AUNIP: variants seen among roughly 807,000 people sequenced by gnomAD.
AUNIP encodes the protein aurora kinase A and ninein interacting protein.
Under a neutral mutation model 12.2 loss-of-function variants are expected in AUNIP, and 16 were observed. That is an observed-to-expected ratio of 1.31 (90% CI 0.88 to 1.99). AUNIP has a LOEUF of 1.99. Ranked by LOEUF, AUNIP falls within the 30% of genes most tolerant of loss-of-function variation. The pLI, the probability that AUNIP is intolerant of heterozygous loss-of-function variation, is 0.00. For synonymous variants in AUNIP, 142 were observed against 154.8 expected (o/e 0.92, Z 0.61); for missense variants, 411 against 419.1 (o/e 0.98, Z 0.17).
At chr1:25,843,214 A>G (rs2124503188) in intron 1 of AUNIP, among the ~76,000 whole-genome samples, 1 of 143,050 alleles carries the variant, frequency 7.0e-6, no homozygotes, top group South Asian at 2.2e-4. Context: ...TTTACTGCTC[A>G]TTGATAATGT....
At chr1:25,837,935 A>G (rs1047851960) in intron 1 of AUNIP, among the ~76,000 whole-genome samples, 1 of 152,184 alleles carries the variant, frequency 6.6e-6, no homozygotes, top group African/African-American at 2.4e-5. Context: ...GGTGGTTAAG[A>G]GCATGGCTCA....
chr1:25,834,399 A>T lies in AUNIP; in HGVS notation c.*594T>A. ...GGGAGGCTGAGGTGGGCGGATCAGGAGGTCAGGAGATGGAGACCATCCTGG... is the reference window on the plus strand; with the variant it reads ...GGGAGGCTGAGGTGGGCGGATCAGGTGGTCAGGAGATGGAGACCATCCTGG... On this transcript the variant is annotated 3_prime_UTR_variant, in exon 3 of 3. Coordinates refer to ENST00000374298, the MANE Select transcript of AUNIP (RefSeq NM_024037.3). The T allele has an allele frequency of 1.1e-6, 1 of 935,784 alleles. No individual in the cohort carries two copies. The highest frequency in any genetic ancestry group is 1.3e-6 in the Non-Finnish European group (1 of 785,042). The allele number at this position is 935,784 out of a possible 1,614,324, so 58.0% of individuals were successfully genotyped here. A position where few individuals can be genotyped will look rare whatever the true frequency, so the allele number is the denominator to read the frequency against.
Position 25,834,820 on chromosome 1 carries a change from C to G in AUNIP, c.*173G>C, listed in dbSNP as rs552242318. 5 of 1,435,672 alleles carry G rather than the reference C, an allele frequency of 3.5e-6. No homozygotes were observed. 88.9% of individuals were successfully genotyped at this position (1,435,672 alleles called of 1,614,324 possible). On this transcript the variant is annotated 3_prime_UTR_variant, in exon 3 of 3. Coordinates refer to ENST00000374298, the MANE Select transcript of AUNIP (RefSeq NM_024037.3). ...AGGGAAAGCCATGATGCCAATCCCA[C>G]TGTCTTAACAATGGTACTGCCCTTT...
intron 1 of AUNIP, among the ~76,000 whole-genome samples, chr1:25,851,430 G>A (rs2048423357): frequency 6.6e-6 from 1 of 152,150 alleles, no homozygotes; most frequent in Non-Finnish European, 1.5e-5. Context: ...TTTTTTGAGA[G>A]AGTCTGAAGG....
chr1:25,838,418 G>A (rs968608234), intron 1 of AUNIP, among the ~76,000 whole-genome samples: 4 of 152,046 alleles, frequency 2.6e-5, no homozygotes, highest in South Asian at 2.1e-4. Flanking sequence ...CAGAAGAATC[G>A]CTTTAACCAG....
chr1:25,859,201 G>A (rs1327692904), intron 1 of AUNIP, 79 bp downstream of exon 1: 3 of 1,426,974 alleles, frequency 2.1e-6, no homozygotes, highest in African/African-American at 1.4e-5. Context: ...TCATCTCCAG[G>A]TGTCCCCCAA....
chr1:25,854,659 G>C (rs2048448355), intron 1 of AUNIP, among the ~76,000 whole-genome samples: 1 of 152,154 alleles, frequency 6.6e-6, no homozygotes, highest in Non-Finnish European at 1.5e-5. Flanking sequence ...ATCCAGCCAG[G>C]CATTTATTAT....
chr1:25,842,800 A>T (rs1336229381), intron 1 of AUNIP, among the ~76,000 whole-genome samples: 1 of 152,216 alleles, frequency 6.6e-6, no homozygotes, highest in Non-Finnish European at 1.5e-5. Context: ...AGCCTGGATG[A>T]CAGCACATCT....
Position 25,847,479 on chromosome 1 carries a change from G to A in AUNIP, c.79-9925C>T, listed in dbSNP as rs533161578. 6.6e-6 allele frequency among the ~76,000 whole-genome samples: 1 copy of A among 151,748 alleles called. No individual in the cohort carries two copies. Among genetic ancestry groups the A allele is most frequent in the Non-Finnish European group, 1.5e-5 (1 of 67,960 alleles). ...GAGGTTTTACCATGTTGGCCAGGCT[G>A]GTCTTAAACTCCTGACCTCAAGTGA... On this transcript the variant is annotated intron_variant, in intron 1 of 2. Coordinates refer to ENST00000374298, the MANE Select transcript of AUNIP (RefSeq NM_024037.3). This position sits in a 1 kb window ranked among gnomAD's most constrained non-coding sequence, Gnocchi z 4.2.
rs973672392 is a variant in AUNIP, at chr1:25,834,027, G to C, written c.*966C>G. ...GAGCCACTTTGTAAACATTTATTTG[G>C]ATTCATAGTTTTACAAAGGGGATTC... On this transcript the variant is annotated 3_prime_UTR_variant, in exon 3 of 3. Coordinates refer to ENST00000374298, the MANE Select transcript of AUNIP (RefSeq NM_024037.3). 1.0e-6 allele frequency: 1 copy of C among 984,620 alleles called. No homozygotes were observed. 61.0% of individuals were successfully genotyped at this position (984,620 alleles called of 1,614,324 possible). A position where few individuals can be genotyped will look rare whatever the true frequency, so the allele number is the denominator to read the frequency against.
Position 25,835,272 on chromosome 1 carries a change from G to T in AUNIP, c.795C>A (p.Ser265Arg). The T allele has an allele frequency of 6.2e-7, 1 of 1,614,174 alleles. No individual in the cohort carries two copies. Among genetic ancestry groups the T allele is most frequent in the Non-Finnish European group, 8.5e-7 (1 of 1,180,024 alleles). ...NGENIESVKQ[S>R]RSPVSVFSWD... ...AGGAAAACACAGAAACTGGACTACG[G>T]CTTTGTTTCACTGATTCTATGTTTT... is the stretch of plus-strand genomic sequence containing the variant. Residue 265 changes from serine to arginine, a missense_variant, in exon 3 of 3, where the codon AGC (serine) becomes AGA (arginine). Coordinates refer to ENST00000374298, the MANE Select transcript of AUNIP (RefSeq NM_024037.3).
At chr1:25,839,161 A>G (rs1207960813) in intron 1 of AUNIP, among the ~76,000 whole-genome samples, 1 of 152,232 alleles carries the variant, frequency 6.6e-6, no homozygotes, top group Non-Finnish European at 1.5e-5. Flanking sequence ...AGGGAAACAA[A>G]TAAGGTGAGC....
chr1:25,843,594 GAAAAAAAAAAAAAAAAAA>G (rs769525747), intron 1 of AUNIP, among the ~76,000 whole-genome samples: 1 of 31,890 alleles, frequency 3.1e-5, no homozygotes, highest in Non-Finnish European at 6.8e-5. Context: ...CTGTCTGTTT[GAAAAAAAAAAAAAAAAAA>G]AAAAAAAAAA....
chr1:25,859,053 A>G (rs1487133733), intron 1 of AUNIP, among the ~76,000 whole-genome samples: 1 of 149,402 alleles, frequency 6.7e-6, no homozygotes. Context: ...GCTCCTCCAG[A>G]CCCCCCAACA....
intron 2 of AUNIP, among the ~76,000 whole-genome samples, chr1:25,836,845 G>C (rs1021470504): frequency 6.6e-6 from 1 of 152,106 alleles, no homozygotes; most frequent in Non-Finnish European, 1.5e-5. Flanking sequence ...CCCGGCATTA[G>C]AGCACTCTTC....
chr1:25,844,941 G>A (rs1055461891), intron 1 of AUNIP, among the ~76,000 whole-genome samples: 3 of 152,146 alleles, frequency 2.0e-5, no homozygotes, highest in Non-Finnish European at 4.4e-5. Context: ...AAAGGATGAC[G>A]CTACCTCATA....
chr1:25,857,800 T>C (rs1002572371), intron 1 of AUNIP, among the ~76,000 whole-genome samples: 2 of 148,110 alleles, frequency 1.4e-5, no homozygotes, highest in Non-Finnish European at 3.0e-5. Flanking sequence ...GAGGCAGAGG[T>C]TGCAGTGAGC....
intron 1 of AUNIP, among the ~76,000 whole-genome samples, chr1:25,854,310 T>C (rs1484895517): frequency 6.6e-6 from 1 of 151,864 alleles, no homozygotes; most frequent in Admixed American, 6.6e-5. Flanking sequence ...AAGGGAAGAG[T>C]GTGGACATAT....
Position 25,859,257 on chromosome 1 carries a change from C to T in AUNIP, c.78+23G>A, listed in dbSNP as rs558066626. On this transcript the variant is annotated intron_variant, in intron 1 of 2. Coordinates refer to ENST00000374298, the MANE Select transcript of AUNIP (RefSeq NM_024037.3). ...CCAGGCCCTACCTGGTTCCCAACGC[C>T]CTCTCATCCCCCAGCGTCCCACCTG... 102 of 1,564,158 alleles carry T rather than the reference C, an allele frequency of 6.5e-5. 2 individuals are homozygous for T. The South Asian group carries it at 1.1e-3, about 17-fold the overall frequency.
Sources: gnomAD v4.1 joint callset for allele counts (sites outside exome capture counted in the v4.1 genomes callset) on GRCh38, gnomAD v4.1.1 for gene constraint, Gnocchi (gnomAD v3.1) non-coding constraint, MANE v1.5 for transcripts, NCBI Gene and HGNC (gene_info 2026-07-23, HGNC 2026-07-21) for gene names.